Variants in MUC3A observed in about 807,000 individuals in gnomAD.
MUC3A encodes the protein mucin 3A, cell surface associated.
MUC3A carries 109 observed loss-of-function variants against 109.0 expected under a neutral mutation model. The ratio of observed to expected loss-of-function variants is 1.00; its 90% CI spans 0.86 to 1.17. The LOEUF is 1.17. Ranked by LOEUF, MUC3A falls within the 50% of genes most tolerant of loss-of-function variation. The pLI, the probability that MUC3A is intolerant of heterozygous loss-of-function variation, is 0.00. For missense variants in MUC3A, 3,537 were observed against 2,469.4 expected, an observed-to-expected ratio of 1.43 and a Z score of -9.16; for synonymous variants, 1,398 against 981.4, an observed-to-expected ratio of 1.42 and a Z score of -7.93.
rs2116158985 is a variant in MUC3A at position 100,952,512 on chromosome 7, G to T, written c.733G>T (p.Val245Leu). 1 of 1,598,452 alleles carries T rather than the reference G, an allele frequency of 6.3e-7. No homozygotes were observed. Among genetic ancestry groups the T allele is most frequent in the South Asian group, 1.1e-5 (1 of 91,070 alleles). Residue 245 changes from valine (V) to leucine (L), a missense_variant, in exon 2 of 12, where the codon GTA (valine) becomes TTA (leucine). Physicochemically the swap from Val to Leu is conservative, Grantham distance 32 (BLOSUM62 1). Transcript: ENST00000379458. Reference sequence around the variant, plus strand: ...CCATACAACCACGTCCCCAACCCCAGTATTTACTACTCTCAAAACAGCAGT... The same window carrying T: ...CCATACAACCACGTCCCCAACCCCATTATTTACTACTCTCAAAACAGCAGT... ...SIHTTTSPTPVFTTLKTAVTS... is the reference protein window; with the variant it reads ...SIHTTTSPTPLFTTLKTAVTS...
At chr7:100,966,328 G>A (rs1196210965) in intron 8 of MUC3A, 58 bp from the exon 9 acceptor site, 6 of 1,254,700 alleles carry the variant, frequency 4.8e-6, no homozygotes, top group Non-Finnish European at 5.9e-6. Context: ...GGGCCCAGGT[G>A]CACGGGTGGA....
Position 100,957,396 on chromosome 7 carries a change from C to G in MUC3A, c.5617C>G (p.Arg1873Gly), listed in dbSNP as rs1296290665. 1.4e-5 allele frequency: 9 copies of G among 658,968 alleles called. No homozygotes were observed. The highest frequency in any genetic ancestry group is 2.1e-5 in the Non-Finnish European group (9 of 429,502). The allele number at this position is 658,968 out of a possible 1,614,324, so 40.8% of individuals were successfully genotyped here. ...TACATTGTCCACTGTGACCTCTCTT[C>G]GACCCACCTCTTCCTCTCTCCTCAC... ...TGTLSTVTSLRPTSSSLLTTV... is the reference protein window; with the variant it reads ...TGTLSTVTSLGPTSSSLLTTV... Residue 1873 changes from arginine (R) to glycine (G), a missense_variant, in exon 2 of 12, where the codon CGA (arginine) becomes GGA (glycine). Coordinates refer to ENST00000379458, the MANE Select transcript of MUC3A (RefSeq NM_005960.2).
rs965883732 is a variant in MUC3A at position 100,956,052 on chromosome 7, C to T, written c.4273C>T (p.Pro1425Ser). The T allele has an allele frequency of 2.2e-6, 1 of 458,588 alleles. No homozygotes were observed. Among genetic ancestry groups the T allele is most frequent in the East Asian group, 3.3e-5 (1 of 30,030 alleles). The allele number at this position is 458,588 out of a possible 1,614,324, so 28.4% of individuals were successfully genotyped here. ...PLTSSILSST[P>S]VPSTEVTTSH... is the part of the protein sequence containing the mutation. ...CACCAGTAGCATTTTATCTTCTACA[C>T]CTGTCCCAAGCACAGAGGTGACCAC... The change falls in exon 2 of 12, where the codon CCT (proline) becomes TCT (serine). Residue 1425 changes from proline to serine, a missense_variant. Pro to Ser is a moderately conservative substitution (Grantham distance 74, BLOSUM62 -1). Coordinates refer to ENST00000379458, the MANE Select transcript of MUC3A (RefSeq NM_005960.2).
rs1792718014 is a variant in MUC3A at position 100,968,286 on chromosome 7, A to T, written c.*1124A>T. 1 of 153,004 alleles carries T rather than the reference A, an allele frequency of 6.5e-6. No homozygotes were observed. Among genetic ancestry groups the T allele is most frequent in the African/African-American group, 2.4e-5 (1 of 41,492 alleles). The allele number at this position is 153,004 out of a possible 1,614,324, so 9.5% of individuals were successfully genotyped here. A position where few individuals can be genotyped will look rare whatever the true frequency, so the allele number is the denominator to read the frequency against. On this transcript the variant is annotated 3_prime_UTR_variant, in exon 12 of 12. Coordinates refer to ENST00000379458, the MANE Select transcript of MUC3A (RefSeq NM_005960.2). The stretch of plus-strand genomic sequence containing the variant: ...TTGGCGGGGAAGATTGGCTTTGGGG[A>T]CAGGAAGTCGGCACATCTCCAGGTC...
Position 100,966,513 on chromosome 7 carries a change from G to A in MUC3A, c.9739G>A (p.Val3247Ile). Residue 3247 changes from valine to isoleucine, a missense_variant, in exon 9 of 12, where the codon GTC (valine) becomes ATC (isoleucine). Physicochemically the swap from Val to Ile is conservative, Grantham distance 29. Transcript: ENST00000379458. ...LLVLLLLALGVRAVRSGWWGG... is the reference protein window; with the variant it reads ...LLVLLLLALGIRAVRSGWWGG... ...GGTGCTGCTGCTGCTGGCGCTGGGC[G>A]TCCGGGCGGTGCGCTCCGGATGGTG... 6 of 1,302,086 alleles carry A rather than the reference G, an allele frequency of 4.6e-6. No homozygotes were observed. The highest frequency in any genetic ancestry group is 5.8e-6 in the Non-Finnish European group (6 of 1,034,686). 80.7% of individuals were successfully genotyped at this position (1,302,086 alleles called of 1,614,324 possible).
intron 8 of MUC3A, 92 bp from the exon 9 acceptor site, chr7:100,966,294 C>T: frequency 1.8e-6 from 2 of 1,099,286 alleles, no homozygotes; most frequent in South Asian, 4.6e-5. Flanking sequence ...AGGCTGGAGC[C>T]CCGCCCCCTC....
intron 6 of MUC3A, 119 bp from the exon 7 acceptor site, chr7:100,965,163 C>A (rs1048269499): frequency 1.1e-4 from 155 of 1,437,632 alleles, no homozygotes; most frequent in Middle Eastern, 1.0e-3. Context: ...AGAGGGCTCT[C>A]CCAGACGGAG....
chr7:100,959,885 GT>G lies in MUC3A; in HGVS notation c.8110del (p.Ser2704ProfsTer45). The G allele has an allele frequency of 6.4e-7, 1 of 1,550,636 alleles. No homozygotes were observed. Among genetic ancestry groups the G allele is most frequent in the South Asian group, 1.2e-5 (1 of 80,626 alleles). On this transcript the variant is annotated frameshift_variant, in exon 2 of 12. Transcript: ENST00000379458. LOFTEE classifies it high-confidence loss of function. ...CATCTTCTGCCAGCATAACTCCAGT[GT>G]TTTCCACTACCATTCATTCTGTTCC... Reference protein sequence around the residue: ...SPSSASITPVFSTTIHSVPSS... With the variant: ...SPSSASITPVXSTTIHSVPSS...
rs1158938213 is a variant in MUC3A, at chr7:100,959,564, A to T, written c.7785A>T (p.Ala2595=). 2.1e-5 allele frequency: 33 copies of T among 1,593,786 alleles called. No homozygotes were observed. The highest frequency in any genetic ancestry group is 2.7e-5 in the Non-Finnish European group (32 of 1,177,404). ...CCACTGGGACCCAAACATCTCCTGC[A>T]CCTACTACTGTCACCTTTGGAAGTA... ...TSATGTQTSP[A]PTTVTFGSTD... The change falls in exon 2 of 12, where the codon GCA becomes GCT. Residue 2595 remains alanine (A), a synonymous_variant. Transcript: ENST00000379458.
At chr7:100,961,012 G>T in intron 3 of MUC3A, 75 bp downstream of exon 3, 1 of 1,593,340 alleles carries the variant, frequency 6.3e-7, no homozygotes, top group Non-Finnish European at 8.5e-7. Flanking sequence ...TTATCCCTCT[G>T]TGGGGCCTGG....
Position 100,958,111 on chromosome 7 carries a change from C to A in MUC3A, c.6332C>A (p.Thr2111Asn). ...ETTSHSTPSFTSSITTSEMPS... is the reference protein window; with the variant it reads ...ETTSHSTPSFNSSITTSEMPS... Reference sequence around the variant, plus strand: ...ACCTCACACAGTACTCCCAGCTTCACTTCCTCAATCACCACCTCTGAGATG... The same window carrying A: ...ACCTCACACAGTACTCCCAGCTTCAATTCCTCAATCACCACCTCTGAGATG... The change falls in exon 2 of 12, where the codon ACT (threonine) becomes AAT (asparagine). Residue 2111 changes from threonine to asparagine, a missense_variant. Physicochemically the swap from Thr to Asn is moderately conservative, Grantham distance 65. Coordinates refer to ENST00000379458, the MANE Select transcript of MUC3A (RefSeq NM_005960.2). 1 of 407,862 alleles carries A rather than the reference C, an allele frequency of 2.5e-6. No homozygotes were observed. Among genetic ancestry groups the A allele is most frequent in the Non-Finnish European group, 4.2e-6 (1 of 239,134 alleles). 25.3% of individuals were successfully genotyped at this position (407,862 alleles called of 1,614,324 possible).
At chr7:100,951,629 C>T (rs1345891037) in intron 1 of MUC3A, among the ~76,000 whole-genome samples, 4 of 152,296 alleles carry the variant, frequency 2.6e-5, no homozygotes, top group Non-Finnish European at 4.4e-5. Flanking sequence ...GGCTCCCATG[C>T]CCCACTGCTC....
rs774845399 is a variant in MUC3A at position 100,960,042 on chromosome 7, A to G, written c.8263A>G (p.Ile2755Val). 1.5e-5 allele frequency: 22 copies of G among 1,509,702 alleles called. No individual in the cohort carries two copies. Among genetic ancestry groups the G allele is most frequent in the Admixed American group, 6.7e-5 (3 of 44,564 alleles). The allele number at this position is 1,509,702 out of a possible 1,614,324, so 93.5% of individuals were successfully genotyped here. Residue 2755 changes from isoleucine to valine, a missense_variant, in exon 2 of 12, where the codon ATA becomes GTA. Ile to Val is a conservative substitution (Grantham distance 29). Coordinates refer to ENST00000379458, the MANE Select transcript of MUC3A (RefSeq NM_005960.2). ...SSSLTTALTEITPFSYISLPS... is the reference protein window; with the variant it reads ...SSSLTTALTEVTPFSYISLPS... ...CTCTCTGACCACAGCTCTCACTGAA[A>G]TAACCCCCTTTTCTTATATTTCCCT...
chr7:100,952,174 C>G lies in MUC3A; in HGVS notation c.395C>G (p.Thr132Arg). ...GCCACCACTGAGTGCGTGTATCCAA[C>G]GAGCTTTATAATCACCATCTCCCAC... ...YSATTECVYP[T>R]SFIITISHPT... is the part of the protein sequence containing the mutation. The change falls in exon 2 of 12, where the codon ACG (threonine) becomes AGG (arginine). Residue 132 changes from threonine (T) to arginine (R), a missense_variant. By Grantham distance (71) the Thr-to-Arg change is moderately conservative (BLOSUM62 -1). Coordinates refer to ENST00000379458, the MANE Select transcript of MUC3A (RefSeq NM_005960.2). 6.3e-7 allele frequency: 1 copy of G among 1,598,494 alleles called. No individual in the cohort carries two copies. Among genetic ancestry groups the G allele is most frequent in the East Asian group, 2.2e-5 (1 of 44,892 alleles).
intron 7 of MUC3A, 148 bp from the exon 8 acceptor site, chr7:100,965,556 T>TC: frequency 7.0e-7 from 1 of 1,430,790 alleles, no homozygotes; most frequent in Non-Finnish European, 9.3e-7. Context: ...GCGGGTGGCC[T>TC]CCCCTCATCG....
rs1792558943 is a variant in MUC3A, at chr7:100,966,382, G to A, written c.9612-4G>A. On this transcript the variant is annotated splice_polypyrimidine_tract_variant and splice_region_variant and intron_variant, in intron 8 of 11. Transcript: ENST00000379458. Reference sequence around the variant, plus strand: ...AGAGGGTCTGACCCTGCGATCTCCCGCAGCTGCTACTCCACCGACACGCAC... The same window carrying A: ...AGAGGGTCTGACCCTGCGATCTCCCACAGCTGCTACTCCACCGACACGCAC... 1 of 1,328,466 alleles carries A rather than the reference G, an allele frequency of 7.5e-7. No homozygotes were observed. The highest frequency in any genetic ancestry group is 9.6e-7 in the Non-Finnish European group (1 of 1,044,852). 82.3% of individuals were successfully genotyped at this position (1,328,466 alleles called of 1,614,324 possible).
In MUC3A at chr7:100,952,952, CACT is replaced by C; in HGVS notation, c.1174_1176del (p.Thr392del). 1.3e-6 allele frequency: 2 copies of C among 1,589,184 alleles called. No homozygotes were observed. Among genetic ancestry groups the C allele is most frequent in the Non-Finnish European group, 1.7e-6 (2 of 1,175,950 alleles). On this transcript the variant is annotated inframe_deletion, in exon 2 of 12. Transcript: ENST00000379458. Reference sequence around the variant, plus strand: ...CTATGACAAACTTGGTAACCACCACCACTGAGATCTCCTCCCACAGTACTCCCA... The same window carrying C: ...CTATGACAAACTTGGTAACCACCACCGAGATCTCCTCCCACAGTACTCCCA...
chr7:100,965,233 AACCCCTTGATC>A, intron 6 of MUC3A, 38 bp from the exon 7 acceptor site: 3 of 1,848 alleles, frequency 1.6e-3, no homozygotes, highest in Non-Finnish European at 2.5e-3. Flanking sequence ...CCTTGACCTT[AACCCCTTGATC>A]TGCCCCGCCC....
intron 6 of MUC3A, 167 bp from the exon 7 acceptor site, chr7:100,965,115 G>T: frequency 9.3e-7 from 1 of 1,078,880 alleles, no homozygotes; most frequent in South Asian, 1.5e-5. Context: ...GATGAGGCAG[G>T]CAACAGGAGT....
Sources: allele counts gnomAD v4.1 joint callset (sites outside exome capture counted in the v4.1 genomes callset), GRCh38; gene constraint gnomAD v4.1.1; transcripts MANE v1.5; gene names NCBI Gene and HGNC (gene_info 2026-07-23, HGNC 2026-07-21).